STPG4: variants seen among roughly 807,000 people sequenced by gnomAD.
The protein encoded by STPG4 is sperm-tail PG-rich repeat containing 4.
In STPG4, 41 loss-of-function variants were observed where a neutral mutation model predicts 31.5. The observed-to-expected ratio is 1.30, with a 90% CI of 1.01 to 1.69. The LOEUF is 1.69. STPG4 is among the 40% of genes most tolerant of loss of function. The pLI, the probability that STPG4 is intolerant of heterozygous loss-of-function variation, is 0.00. For synonymous variants in STPG4, 141 were observed against 103.0 expected (o/e 1.37, Z -2.24); for missense variants, 375 against 293.4 (o/e 1.28, Z -2.03).
intron 5 of STPG4, among the ~76,000 whole-genome samples, chr2:47,097,374 G>A (rs866884538): frequency 6.6e-6 from 1 of 152,134 alleles, no homozygotes; most frequent in African/African-American, 2.4e-5. Context: ...GCTATGGTCT[G>A]GATGCTGATG....
intron 3 of STPG4, among the ~76,000 whole-genome samples, chr2:47,137,195 G>A (rs1444627882): frequency 6.6e-6 from 1 of 152,116 alleles, no homozygotes; most frequent in Non-Finnish European, 1.5e-5. Context: ...TTTCATAAAT[G>A]GATGTTGAAT....
In STPG4 at chr2:47,134,281, T is replaced by G. The variant is rs76165735; in HGVS notation, c.400-4021A>C. Reference sequence around the variant, plus strand: ...TTGTACTTTCAAGGGTTTTGATGAATGTGCAATGACATGTATCCACTATTA... The same window carrying G: ...TTGTACTTTCAAGGGTTTTGATGAAGGTGCAATGACATGTATCCACTATTA... On this transcript the variant is annotated intron_variant, in intron 3 of 6. Coordinates refer to ENST00000445927, the MANE Select transcript of STPG4 (RefSeq NM_001163561.2). 2.9e-3 allele frequency among the ~76,000 whole-genome samples: 443 copies of G among 152,356 alleles called. 6 individuals are homozygous for G. In the East Asian group the frequency reaches 0.046, roughly 16 times the overall value.
At chr2:47,117,330 C>G (rs768172488) in intron 5 of STPG4, among the ~76,000 whole-genome samples, 3 of 152,214 alleles carry the variant, frequency 2.0e-5, no homozygotes, top group Non-Finnish European at 4.4e-5. Context: ...CTGCCTCACC[C>G]TCCCGAGTAG....
intron 3 of STPG4, among the ~76,000 whole-genome samples, chr2:47,147,435 G>C (rs1280840274): frequency 1.3e-5 from 2 of 152,190 alleles, no homozygotes; most frequent in African/African-American, 4.8e-5. Flanking sequence ...TAGCGAAAAG[G>C]TGGGACAATC....
At chr2:47,102,526 G>A (rs1343853645) in intron 5 of STPG4, among the ~76,000 whole-genome samples, 2 of 151,850 alleles carry the variant, frequency 1.3e-5, no homozygotes, top group East Asian at 1.9e-4. Context: ...CAAATGGAGT[G>A]AAATACCTTA....
intron 5 of STPG4, among the ~76,000 whole-genome samples, chr2:47,113,801 G>A (rs145606661): frequency 0.026 from 3,974 of 152,102 alleles, 182 homozygotes; most frequent in African/African-American, 0.091. Context: ...TTGGGAGGCC[G>A]AGGCAGGTGG....
chr2:47,144,985 C>A (rs190851212), intron 3 of STPG4, among the ~76,000 whole-genome samples: 11 of 152,354 alleles, frequency 7.2e-5, no homozygotes, highest in Admixed American at 3.9e-4. Flanking sequence ...CCGCCTTGGC[C>A]TCCCAAAGTG....
At chr2:47,112,718 C>G (rs1686066804) in intron 5 of STPG4, among the ~76,000 whole-genome samples, 1 of 152,126 alleles carries the variant, frequency 6.6e-6, no homozygotes, top group African/African-American at 2.4e-5. Context: ...TCTAAGTCAA[C>G]AGGGCTCAAA....
chr2:47,092,249 G>C (rs997157706), intron 5 of STPG4, among the ~76,000 whole-genome samples: 32 of 149,116 alleles, frequency 2.1e-4, no homozygotes, highest in South Asian at 4.3e-4. Flanking sequence ...AAGAAAAGAG[G>C]CCAGGCATGG....
At chr2:47,125,413 G>A (rs924724065) in intron 5 of STPG4, among the ~76,000 whole-genome samples, 30 of 151,904 alleles carry the variant, frequency 2.0e-4, no homozygotes, top group African/African-American at 6.8e-4. Flanking sequence ...AAAGCAAGAC[G>A]CTGTCTCAAA....
At chr2:47,127,209 C>G (rs1033364490) in intron 5 of STPG4, among the ~76,000 whole-genome samples, 1 of 133,292 alleles carries the variant, frequency 7.5e-6, no homozygotes, top group Non-Finnish European at 1.6e-5. Context: ...TTTCTTTTGT[C>G]TCCTTTGACT....
chr2:47,146,072 T>C (rs572983825), intron 3 of STPG4, among the ~76,000 whole-genome samples: 1 of 152,124 alleles, frequency 6.6e-6, no homozygotes, highest in Non-Finnish European at 1.5e-5. Flanking sequence ...AAGTTCAAGA[T>C]ACAGCCAAAA....
chr2:47,112,969 G>C (rs1302413526), intron 5 of STPG4, among the ~76,000 whole-genome samples: 7 of 134,326 alleles, frequency 5.2e-5, no homozygotes, highest in African/African-American at 2.0e-4. Flanking sequence ...TCCAGCCTGG[G>C]CGACAGAGCA....
chr2:47,152,851 A>G (rs896596560), intron 2 of STPG4, 106 bp downstream of exon 2: 3 of 781,594 alleles, frequency 3.8e-6, no homozygotes, highest in Non-Finnish European at 5.8e-6. Flanking sequence ...GATCTGAACA[A>G]TCACTGTTTT....
At chr2:47,151,223 T>C (rs1329803930) in intron 3 of STPG4, 35 bp downstream of exon 3, 1 of 1,610,916 alleles carries the variant, frequency 6.2e-7, no homozygotes, top group Admixed American at 1.7e-5. Context: ...CTTAGTAGCT[T>C]TCCCACACAA....
At chr2:47,102,554 C>T (rs990495079) in intron 5 of STPG4, among the ~76,000 whole-genome samples, 6 of 151,788 alleles carry the variant, frequency 4.0e-5, no homozygotes, top group African/African-American at 7.3e-5. Context: ...GCTTTCTTTT[C>T]ATTGAGAGAG....
intron 3 of STPG4, among the ~76,000 whole-genome samples, chr2:47,136,171 G>C (rs1194930824): frequency 6.6e-6 from 1 of 151,688 alleles, no homozygotes; most frequent in African/African-American, 2.4e-5. Context: ...TTGAGACAGA[G>C]TTTCACTCTT....
At chr2:47,122,242 T>C (rs1573176056) in intron 5 of STPG4, among the ~76,000 whole-genome samples, 2 of 152,236 alleles carry the variant, frequency 1.3e-5, no homozygotes, top group African/African-American at 4.8e-5. Flanking sequence ...TATTAATCCT[T>C]TATCTGTTAG....
At chr2:47,091,283 T>C (rs917091611) in intron 5 of STPG4, among the ~76,000 whole-genome samples, 8 of 152,098 alleles carry the variant, frequency 5.3e-5, no homozygotes, top group African/African-American at 1.4e-4. Flanking sequence ...CAGAGTGCAA[T>C]CTGGCAAGAT....
Sources: gnomAD v4.1 joint callset for allele counts (sites outside exome capture counted in the v4.1 genomes callset) on GRCh38, gnomAD v4.1.1 for gene constraint, MANE v1.5 for transcripts, NCBI Gene and HGNC (gene_info 2026-07-23, HGNC 2026-07-21) for gene names.